The following PFKP variants were observed in gnomAD, a reference collection of about 807,000 sequenced individuals.
The protein encoded by PFKP is ATP-dependent 6-phosphofructokinase, platelet type.
Under a neutral mutation model 94.3 loss-of-function variants are expected in PFKP, and 101 were observed. That is an observed-to-expected ratio of 1.07 (90% CI 0.91 to 1.26). PFKP has a LOEUF of 1.26. PFKP is among the 50% of genes most tolerant of loss of function. The pLI is 0.00. For missense variants in PFKP, 1,145 were observed against 1,103.3 expected (o/e 1.04, Z -0.53); for synonymous variants, 573 against 432.6 (o/e 1.32, Z -4.03).
At chr10:3,135,957 A>C in intron 21 of PFKP, 119 bp downstream of exon 21, 3 of 666,714 alleles carry the variant, frequency 4.5e-6, no homozygotes. Context: ...GCTTTTCTGA[A>C]GCTCAGTTAA....
chr10:3,073,052 C>A (rs927879602), intron 1 of PFKP, among the ~76,000 whole-genome samples: 1 of 151,892 alleles, frequency 6.6e-6, no homozygotes, highest in Non-Finnish European at 1.5e-5. Flanking sequence ...CCGTCTTCAC[C>A]CCCAACTCCC....
chr10:3,069,153 G>A (rs1400280003), intron 1 of PFKP: 2 of 964,146 alleles, frequency 2.1e-6, no homozygotes, highest in Non-Finnish European at 2.6e-6. Flanking sequence ...AGCGCCCCCC[G>A]CGGGAGACCC....
intron 2 of PFKP, among the ~76,000 whole-genome samples, chr10:3,094,837 G>T (rs184163645): frequency 5.9e-5 from 9 of 152,254 alleles, no homozygotes; most frequent in Admixed American, 5.9e-4. Flanking sequence ...TAGGTTCTGT[G>T]GGGGAGGGAA....
At chr10:3,127,018 G>A (rs1229449962) in intron 16 of PFKP, among the ~76,000 whole-genome samples, 1 of 152,256 alleles carries the variant, frequency 6.6e-6, no homozygotes, top group Non-Finnish European at 1.5e-5. Context: ...GGCCAGGGAG[G>A]CACCTCCGTG....
At chr10:3,072,214 A>G (rs1001379261) in intron 1 of PFKP, among the ~76,000 whole-genome samples, 28 of 152,240 alleles carry the variant, frequency 1.8e-4, no homozygotes, top group Admixed American at 1.7e-3. Context: ...CAATATGTGT[A>G]AACTGTTAAG....
At chr10:3,113,790 C>T (rs1002257280) in intron 13 of PFKP, among the ~76,000 whole-genome samples, 1 of 151,168 alleles carries the variant, frequency 6.6e-6, no homozygotes, top group East Asian at 1.9e-4. Context: ...ATGGCCCTGA[C>T]ATTAGGTGAG....
chr10:3,095,253 G>A (rs2388594), intron 2 of PFKP, among the ~76,000 whole-genome samples: 57,286 of 151,702 alleles, frequency 0.38, 10,838 homozygotes, highest in Middle Eastern at 0.43. Context: ...TGAACTACGC[G>A]CATAGGTGAA....
intron 2 of PFKP, among the ~76,000 whole-genome samples, chr10:3,093,133 A>T (rs1045343994): frequency 7.3e-5 from 11 of 151,042 alleles, no homozygotes; most frequent in African/African-American, 2.2e-4. Context: ...CGTGGAAACT[A>T]GTTGGCAAGA....
At chr10:3,103,333 C>G (rs557690230) in intron 4 of PFKP, among the ~76,000 whole-genome samples, 1 of 152,288 alleles carries the variant, frequency 6.6e-6, no homozygotes, top group African/African-American at 2.4e-5. Flanking sequence ...ATGCAGAATC[C>G]GGTTGCCTTG....
At chr10:3,124,040 T>G (rs1837687606) in intron 16 of PFKP, among the ~76,000 whole-genome samples, 1 of 118,066 alleles carries the variant, frequency 8.5e-6, no homozygotes, top group Admixed American at 1.2e-4. Flanking sequence ...TGCTGTGAAC[T>G]CACCTGCCAC....
intron 13 of PFKP, among the ~76,000 whole-genome samples, chr10:3,115,608 C>T (rs956473876): frequency 6.6e-6 from 1 of 152,106 alleles, no homozygotes; most frequent in African/African-American, 2.4e-5. Flanking sequence ...GTGTGTGTCC[C>T]GTGGCCAAGA....
At chr10:3,104,040 G>C in intron 5 of PFKP, 96 bp downstream of exon 5, 1 of 1,127,212 alleles carries the variant, frequency 8.9e-7, no homozygotes, top group Non-Finnish European at 1.3e-6. Context: ...TGCAGATTGG[G>C]TGTCCTGGTG....
At chr10:3,111,469 A>G (rs1263156240) in intron 10 of PFKP, among the ~76,000 whole-genome samples, 5 of 152,062 alleles carry the variant, frequency 3.3e-5, no homozygotes, top group Admixed American at 6.5e-5. Flanking sequence ...GCTTGTCTAG[A>G]GACGACCGTG....
At chr10:3,070,636 G>A (rs1037455269) in intron 1 of PFKP, among the ~76,000 whole-genome samples, 1 of 152,208 alleles carries the variant, frequency 6.6e-6, no homozygotes, top group African/African-American at 2.4e-5. Context: ...GAAGTGGGGA[G>A]AAAGACTCAG....
At position 3,103,965 on chromosome 10, in the gene PFKP, G is replaced by A. The variant is rs373722703; in HGVS notation, c.620+21G>A. The A allele has an allele frequency of 2.9e-5, 46 of 1,609,502 alleles. 1 individual carries two copies. Among genetic ancestry groups the A allele is most frequent in the South Asian group, 1.1e-4 (10 of 90,904 alleles). On this transcript the variant is annotated intron_variant, in intron 5 of 21. Transcript: ENST00000381125. ...CAGAGGTAAAGCGCTCAGAGGAACC[G>A]GCGGGAGGCCAGTGGGGCCCGACGT... is the stretch of plus-strand genomic sequence containing the variant.
At chr10:3,100,084 TGAAAGA>T (rs1834854178) in intron 3 of PFKP, among the ~76,000 whole-genome samples, 1 of 146,132 alleles carries the variant, frequency 6.8e-6, no homozygotes, top group African/African-American at 2.5e-5. Context: ...TGTGTGTGTG[TGAAAGA>T]GAGTGAGTGA....
In PFKP at chr10:3,109,343, C is replaced by G; in HGVS notation, c.964-12C>G. On this transcript the variant is annotated splice_polypyrimidine_tract_variant and intron_variant, in intron 9 of 21. Coordinates refer to ENST00000381125, the MANE Select transcript of PFKP (RefSeq NM_002627.5). ...GGAGGCTGCCCCTGACCCACATGGA[C>G]CTGGTTTCCAGGCCAGCCGCATGGG... 1 of 1,608,354 alleles carries G rather than the reference C, an allele frequency of 6.2e-7. No homozygotes were observed. Among genetic ancestry groups the G allele is most frequent in the Non-Finnish European group, 8.5e-7 (1 of 1,179,978 alleles).
chr10:3,117,923 G>A (rs1182697642), intron 14 of PFKP, among the ~76,000 whole-genome samples: 3 of 152,160 alleles, frequency 2.0e-5, no homozygotes, highest in African/African-American at 2.4e-5. Context: ...TGGCCTGAAC[G>A]TTTTTGCCCT....
chr10:3,076,554 C>T (rs1832608433), intron 1 of PFKP, among the ~76,000 whole-genome samples: 1 of 152,154 alleles, frequency 6.6e-6, no homozygotes, highest in South Asian at 2.1e-4. Flanking sequence ...TCAACACCCC[C>T]CACCCCGCTT....
Sources: gnomAD v4.1 joint callset for allele counts (sites outside exome capture counted in the v4.1 genomes callset) on GRCh38, gnomAD v4.1.1 for gene constraint, MANE v1.5 for transcripts, NCBI Gene and HGNC (gene_info 2026-07-23, HGNC 2026-07-21) for gene names.